Variants in SLC39A14 observed in about 807,000 individuals in gnomAD.
The protein encoded by SLC39A14 is metal cation symporter ZIP14.
Under a neutral mutation model 45.5 loss-of-function variants are expected in SLC39A14, and 19 were observed. That is an observed-to-expected ratio of 0.42 (90% CI 0.29 to 0.61). The LOEUF (loss-of-function observed/expected upper bound fraction) is 0.61, where lower values mean the gene tolerates loss of function less well. Among genes scored for constraint, SLC39A14 ranks in the 20% least tolerant of loss-of-function variants. The probability of loss-of-function intolerance (pLI) is 0.22; values close to 1 mark genes in which losing one functional copy is unlikely to be tolerated. For synonymous variants in SLC39A14, 264 were observed against 251.3 expected, an observed-to-expected ratio of 1.05 and a Z score of -0.48; for missense variants, 447 against 616.5, an observed-to-expected ratio of 0.73 and a Z score of 2.91.
chr8:22,426,616 A>G (rs1836391578), downstream of SLC39A14, among the ~76,000 whole-genome samples: 1 of 152,162 alleles, frequency 6.6e-6, no homozygotes, highest in African/African-American at 2.4e-5. Context: ...ACACAAAGCC[A>G]TCAGGAATCT....
intron 8 of SLC39A14, among the ~76,000 whole-genome samples, chr8:22,432,155 A>AC (rs958213375): frequency 1.6e-4 from 24 of 151,066 alleles, no homozygotes; most frequent in African/African-American, 3.9e-4. Context: ...ACATAGGAAG[A>AC]CCCCCCATCT....
chr8:22,401,582 C>G (rs1051844163), intron 1 of SLC39A14, among the ~76,000 whole-genome samples: 1 of 100,704 alleles, frequency 9.9e-6, no homozygotes, highest in Non-Finnish European at 1.8e-5. Flanking sequence ...GAATCTTGCT[C>G]TGTCCCCCAG....
At chr8:22,379,490 A>C (rs1833384113) in intron 1 of SLC39A14, 1 of 152,208 alleles carries the variant, frequency 6.6e-6, no homozygotes, top group African/African-American at 2.4e-5. Flanking sequence ...TGCTCCCCTC[A>C]TGGTGACACA....
chr8:22,421,896 G>A lies in SLC39A14; in HGVS notation c.*2198G>A, dbSNP rs992593449. On this transcript the variant is annotated 3_prime_UTR_variant, in exon 9 of 9. Coordinates refer to ENST00000381237, the MANE Select transcript of SLC39A14 (RefSeq NM_001128431.4). ...TTTGTGCACACCTATATTACCTTAA[G>A]AAATTTCCTTCCATAGACAGCTGCC... 3 of 985,202 alleles carry A rather than the reference G, an allele frequency of 3.0e-6. No homozygotes were observed. The highest frequency in any genetic ancestry group is 2.3e-4 in the East Asian group (2 of 8,834). The allele number at this position is 985,202 out of a possible 1,614,324, so 61.0% of individuals were successfully genotyped here.
intron 1 of SLC39A14, among the ~76,000 whole-genome samples, chr8:22,372,486 AC>A (rs1284993534): frequency 1.3e-5 from 2 of 151,980 alleles, no homozygotes; most frequent in Non-Finnish European, 2.9e-5. Flanking sequence ...CACACATATC[AC>A]CCTGTCTGCG....
chr8:22,404,879 CTCA>C lies in SLC39A14; in HGVS notation c.170_172del (p.Leu57_Thr58delinsPro). On this transcript the variant is annotated inframe_deletion, in exon 2 of 9. Coordinates refer to ENST00000381237, the MANE Select transcript of SLC39A14 (RefSeq NM_001128431.4). ...ACATCGGTATGGCGAGGGTGACAGC[CTCA>C]CTCTGCAGCAGCTGAAGGCCCTACT... 1 of 1,614,188 alleles carries C rather than the reference CTCA, an allele frequency of 6.2e-7. No individual in the cohort carries two copies. Among genetic ancestry groups the C allele is most frequent in the Non-Finnish European group, 8.5e-7 (1 of 1,180,026 alleles).
intron 1 of SLC39A14, among the ~76,000 whole-genome samples, chr8:22,390,828 A>G (rs559655188): frequency 2.0e-5 from 3 of 152,050 alleles, no homozygotes; most frequent in East Asian, 3.9e-4. Flanking sequence ...TCAGCCTCTC[A>G]CACTGCTGGG....
intron 4 of SLC39A14, among the ~76,000 whole-genome samples, chr8:22,413,984 G>A (rs1335949501): frequency 6.6e-6 from 1 of 151,676 alleles, no homozygotes; most frequent in East Asian, 1.9e-4. Flanking sequence ...TCGCCATGTT[G>A]GCCAGGCTGG....
At chr8:22,408,288 T>G in intron 2 of SLC39A14, 22 bp from the exon 3 acceptor site, 1 of 1,607,448 alleles carries the variant, frequency 6.2e-7, no homozygotes, top group South Asian at 1.1e-5. Flanking sequence ...CTAAGCGGCT[T>G]CCTGCCCTTC....
intron 1 of SLC39A14, among the ~76,000 whole-genome samples, chr8:22,392,491 A>G (rs1834133659): frequency 6.6e-6 from 1 of 152,062 alleles, no homozygotes; most frequent in African/African-American, 2.4e-5. Context: ...CATGGGGGTG[A>G]CGTAAGTGAT....
chr8:22,382,918 A>G (rs571642727), intron 1 of SLC39A14, among the ~76,000 whole-genome samples: 6 of 150,178 alleles, frequency 4.0e-5, no homozygotes, highest in African/African-American at 1.5e-4. Flanking sequence ...GGGTTTCACT[A>G]TGTTGGCCAG....
chr8:22,379,346 A>T (rs1040089271), intron 1 of SLC39A14: 2 of 152,162 alleles, frequency 1.3e-5, no homozygotes, highest in African/African-American at 4.8e-5. Flanking sequence ...ACCCCACTAG[A>T]TTCAGGGTTG....
At position 22,404,715 on chromosome 8, in the gene SLC39A14, A is replaced by AGCT. The variant is rs3052256; in HGVS notation, c.17_19dup (p.Leu6dup). 1.9e-6 allele frequency: 3 copies of AGCT among 1,612,578 alleles called. No homozygotes were observed. Among genetic ancestry groups the AGCT allele is most frequent in the Admixed American group, 1.7e-5 (1 of 59,956 alleles). On this transcript the variant is annotated inframe_insertion, in exon 2 of 9. Coordinates refer to ENST00000381237, the MANE Select transcript of SLC39A14 (RefSeq NM_001128431.4). ...TCACAGGTTTATTCAGTCACCATGA[A>AGCT]GCTGCTGCTGCTGCACCCGGCCTTC...
intron 3 of SLC39A14, 189 bp from the exon 4 acceptor site, chr8:22,411,848 A>G (rs1835586932): frequency 1.1e-5 from 6 of 536,860 alleles, no homozygotes; most frequent in Non-Finnish European, 2.0e-5. Context: ...CAAATTTTCT[A>G]TTTCTCTCTC....
At chr8:22,409,582 A>G (rs1228658667) in intron 3 of SLC39A14, among the ~76,000 whole-genome samples, 2 of 151,952 alleles carry the variant, frequency 1.3e-5, no homozygotes, top group South Asian at 4.1e-4. Flanking sequence ...GGGTTTCACC[A>G]TGTTAGTCAG....
intron 1 of SLC39A14, among the ~76,000 whole-genome samples, chr8:22,385,926 T>G (rs563629998): frequency 1.3e-5 from 2 of 152,284 alleles, no homozygotes; most frequent in Non-Finnish European, 2.9e-5. Context: ...AGTGATGTGA[T>G]CAATTTGTAC....
intron 1 of SLC39A14, among the ~76,000 whole-genome samples, chr8:22,400,652 T>G (rs1834803404): frequency 6.6e-6 from 1 of 152,256 alleles, no homozygotes; most frequent in African/African-American, 2.4e-5. Flanking sequence ...TCCATCCATG[T>G]GGACTCAAAA....
chr8:22,405,554 C>T (rs977865972), intron 2 of SLC39A14, among the ~76,000 whole-genome samples: 1 of 152,176 alleles, frequency 6.6e-6, no homozygotes, highest in Non-Finnish European at 1.5e-5. Flanking sequence ...GTGGGGTTCT[C>T]AGCCCCCCAG....
intron 7 of SLC39A14, among the ~76,000 whole-genome samples, chr8:22,417,247 G>A (rs1162540289): frequency 6.6e-6 from 1 of 152,204 alleles, no homozygotes; most frequent in African/African-American, 2.4e-5. Flanking sequence ...GTTTCACTAT[G>A]AATCCAGAGA....
Sources: allele counts gnomAD v4.1 joint callset (sites outside exome capture counted in the v4.1 genomes callset), GRCh38; gene constraint gnomAD v4.1.1; transcripts MANE v1.5; gene names NCBI Gene and HGNC (gene_info 2026-07-23, HGNC 2026-07-21).